DNAH5: variants seen among roughly 807,000 people sequenced by gnomAD.
DNAH5 encodes the protein axonemal beta dynein heavy chain 5.
Under a neutral mutation model 518.2 loss-of-function variants are expected in DNAH5, and 372 were observed. That is an observed-to-expected ratio of 0.72 (90% CI 0.66 to 0.78). The LOEUF is 0.78. DNAH5 is among the 30% of genes least tolerant of loss of function. The pLI, the probability that DNAH5 is intolerant of heterozygous loss-of-function variation, is 0.00. For synonymous variants in DNAH5, 2,039 were observed against 2,025.9 expected (o/e 1.01, Z -0.17); for missense variants, 5,523 against 5,687.0 (o/e 0.97, Z 0.93).
chr5:13,804,595 T>C (rs1052872723), intron 47 of DNAH5, among the ~76,000 whole-genome samples: 1 of 152,208 alleles, frequency 6.6e-6, no homozygotes. Flanking sequence ...AAATCCCTGA[T>C]GCTCCACAGT....
chr5:13,989,546 C>T (rs1191473660), intron 1 of DNAH5, among the ~76,000 whole-genome samples: 2 of 146,830 alleles, frequency 1.4e-5, no homozygotes, highest in African/African-American at 2.5e-5. Context: ...TGCAGTGGCG[C>T]GATCTCGGCT....
rs2126779434 is a variant in DNAH5 at position 13,769,510 on chromosome 5, T to C, written c.9711A>G (p.Lys3237=). Residue 3237 remains lysine (K), a synonymous_variant, in exon 57 of 79, where the codon AAA becomes AAG. Transcript: ENST00000265104. ...KEKELQVAND[K]ADMVLKEVTM... ...GTAAATGCCCACCCACCATGTCGGC[T>C]TTATCGTTGGCCACTTGTAGCTCCT... 6.2e-7 allele frequency: 1 copy of C among 1,613,966 alleles called. No individual in the cohort carries two copies. The highest frequency in any genetic ancestry group is 8.5e-7 in the Non-Finnish European group (1 of 1,179,818).
chr5:13,907,962 T>A (rs1280681800), intron 12 of DNAH5, among the ~76,000 whole-genome samples: 2 of 152,134 alleles, frequency 1.3e-5, no homozygotes, highest in African/African-American at 4.8e-5. Context: ...TGGGTTTGAT[T>A]TCAGATAATG....
At chr5:13,769,374 A>G (rs1752990014) in intron 57 of DNAH5, 127 bp downstream of exon 57, 11 of 952,966 alleles carry the variant, frequency 1.2e-5, no homozygotes, top group Non-Finnish European at 1.7e-5. Context: ...TAAAATTAAG[A>G]GTATTTTATT....
chr5:13,735,005 T>C, intron 68 of DNAH5, 126 bp downstream of exon 68: 1 of 820,132 alleles, frequency 1.2e-6, no homozygotes, highest in Non-Finnish European at 2.0e-6. Flanking sequence ...AAATAAAATA[T>C]CTCATCTAAA....
rs61747516 is a variant in DNAH5 at position 13,876,779 on chromosome 5, C to A, written c.3301G>T (p.Val1101Leu). The change falls in exon 22 of 79, where the codon GTG (valine) becomes TTG (leucine). Residue 1101 changes from valine (V) to leucine (L), a missense_variant. Val to Leu is a conservative substitution (Grantham distance 32). Transcript: ENST00000265104. Reference protein sequence around the residue: ...EIASVNLPIPVQTKNYYKNVS... With the variant: ...EIASVNLPIPLQTKNYYKNVS... ...TTCTTATAATAGTTCTTGGTTTGCACGGGAATGGGTAAATTTACAGATGCT... is the reference window on the plus strand; with the variant it reads ...TTCTTATAATAGTTCTTGGTTTGCAAGGGAATGGGTAAATTTACAGATGCT... 3 of 1,613,512 alleles carry A rather than the reference C, an allele frequency of 1.9e-6. No individual in the cohort carries two copies. Among genetic ancestry groups the A allele is most frequent in the Non-Finnish European group, 1.7e-6 (2 of 1,179,782 alleles).
chr5:13,934,185 TGGA>T (rs1184991822), intron 1 of DNAH5, among the ~76,000 whole-genome samples: 5 of 152,170 alleles, frequency 3.3e-5, no homozygotes, highest in African/African-American at 1.2e-4. Flanking sequence ...GGAGACCACA[TGGA>T]GGAGAACAAA....
At chr5:13,913,621 A>T (rs1327819266) in intron 11 of DNAH5, 122 bp downstream of exon 11, 1 of 1,161,730 alleles carries the variant, frequency 8.6e-7, no homozygotes, top group Non-Finnish European at 1.2e-6. Flanking sequence ...AAAGGCCATG[A>T]GATTATTTAT....
At chr5:13,812,848 T>G (rs1050057854) in intron 43 of DNAH5, among the ~76,000 whole-genome samples, 4 of 152,208 alleles carry the variant, frequency 2.6e-5, no homozygotes, top group African/African-American at 9.6e-5. Context: ...ATTCTTCACC[T>G]CAGTATTCCA....
intron 6 of DNAH5, 134 bp from the exon 7 acceptor site, chr5:13,919,486 T>C: frequency 9.3e-7 from 1 of 1,077,430 alleles, no homozygotes; most frequent in Non-Finnish European, 1.3e-6. Flanking sequence ...ATGCTTCCAA[T>C]AACAATCTTT....
intron 17 of DNAH5, among the ~76,000 whole-genome samples, chr5:13,890,638 A>G (rs1232314224): frequency 1.3e-5 from 2 of 152,234 alleles, no homozygotes; most frequent in Non-Finnish European, 2.9e-5. Flanking sequence ...AAGCTGTTCA[A>G]AACAATTGTT....
intron 60 of DNAH5, among the ~76,000 whole-genome samples, chr5:13,759,951 T>C (rs1225966824): frequency 6.6e-6 from 1 of 152,186 alleles, no homozygotes; most frequent in Non-Finnish European, 1.5e-5. Flanking sequence ...AATAAATCTT[T>C]AGGGAAAAAC....
chr5:13,866,180 G>A lies in DNAH5; in HGVS notation c.4116+40C>T, dbSNP rs142464165. On this transcript the variant is annotated intron_variant, in intron 26 of 78. Coordinates refer to ENST00000265104, the MANE Select transcript of DNAH5 (RefSeq NM_001369.3). ...ATATGTGTGTTTAAAACACAACAAA[G>A]TTTCATTGTTTAGAAAGTCATAGAA... The A allele has an allele frequency of 3.0e-4, 469 of 1,587,828 alleles. 3 individuals are homozygous for A. The East Asian group carries it at 8.7e-3, about 30-fold the overall frequency.
At chr5:13,899,651 T>G (rs1212375368) in intron 15 of DNAH5, 1 of 154,402 alleles carries the variant, frequency 6.5e-6, no homozygotes, top group Admixed American at 6.4e-5. Flanking sequence ...TGCATGGTAT[T>G]GTGCAAGTTA....
intron 1 of DNAH5, among the ~76,000 whole-genome samples, chr5:13,993,768 C>G (rs917952865): frequency 5.9e-5 from 9 of 152,146 alleles, no homozygotes; most frequent in African/African-American, 2.2e-4. Flanking sequence ...ATGATAAAGC[C>G]AGAAATTGGT....
intron 1 of DNAH5, among the ~76,000 whole-genome samples, chr5:14,000,597 C>G (rs996855926): frequency 2.1e-4 from 32 of 150,778 alleles, no homozygotes; most frequent in African/African-American, 7.8e-4. Context: ...TTGTGAAATA[C>G]CATCTCATAC....
At chr5:13,935,024 T>C (rs943616159) in intron 1 of DNAH5, among the ~76,000 whole-genome samples, 1 of 152,200 alleles carries the variant, frequency 6.6e-6, no homozygotes, top group Non-Finnish European at 1.5e-5. Flanking sequence ...GCTAAATATC[T>C]TTAGCAGCTT....
chr5:13,771,314 A>G, intron 55 of DNAH5: 1 of 328,632 alleles, frequency 3.0e-6, no homozygotes, highest in East Asian at 7.3e-5. Flanking sequence ...TGGTACAAAT[A>G]ACTCAGAAAT....
intron 16 of DNAH5, among the ~76,000 whole-genome samples, chr5:13,893,790 T>C (rs1258613114): frequency 6.6e-6 from 1 of 151,628 alleles, no homozygotes; most frequent in Non-Finnish European, 1.5e-5. Context: ...GGTAGAGTAA[T>C]CAGAGTAGCC....
Sources: allele counts gnomAD v4.1 joint callset (sites outside exome capture counted in the v4.1 genomes callset), GRCh38; gene constraint gnomAD v4.1.1; transcripts MANE v1.5; gene names NCBI Gene and HGNC (gene_info 2026-07-23, HGNC 2026-07-21).